The following GLIS3 variants were observed in gnomAD, a reference collection of about 807,000 sequenced individuals.
GLIS3 encodes zinc finger protein GLIS3.
A neutral mutation model predicts 78.6 loss-of-function variants in GLIS3; 53 were observed. The ratio of observed to expected loss-of-function variants is 0.67; its 90% CI spans 0.54 to 0.85. The LOEUF is 0.85. Ranked by LOEUF, GLIS3 falls within the 40% of genes least tolerant of loss-of-function variation. The probability of loss-of-function intolerance (pLI) is 0.00; values close to 1 mark genes in which losing one functional copy is unlikely to be tolerated. For missense variants in GLIS3, 1,703 were observed against 1,231.1 expected (o/e 1.38, Z -5.74); for synonymous variants, 684 against 509.9 (o/e 1.34, Z -4.60).
At chr9:4,115,267 C>T (rs1366441963) in intron 4 of GLIS3, among the ~76,000 whole-genome samples, 1 of 152,048 alleles carries the variant, frequency 6.6e-6, no homozygotes, top group African/African-American at 2.4e-5. Flanking sequence ...AAAAAATGGC[C>T]CGGCTCTTAT....
chr9:4,108,989 C>A (rs1436748679), intron 4 of GLIS3, among the ~76,000 whole-genome samples: 2 of 152,154 alleles, frequency 1.3e-5, no homozygotes, highest in South Asian at 2.1e-4. Flanking sequence ...TTCATGCTGC[C>A]TTCCCCGGTC....
At chr9:4,076,900 A>T (rs1828112696) in intron 4 of GLIS3, among the ~76,000 whole-genome samples, 1 of 152,156 alleles carries the variant, frequency 6.6e-6, no homozygotes, top group African/African-American at 2.4e-5. Context: ...CTATCAAGAA[A>T]ATATAAAAAT....
At chr9:4,442,408 T>A in the GLIS3 span, among the ~76,000 whole-genome samples, 3 of 152,092 alleles carry the variant, frequency 2.0e-5, no homozygotes, top group African/African-American at 7.2e-5. Flanking sequence ...TGGCTTCTCT[T>A]CCCTCCCCAC....
At chr9:4,126,355 T>C (rs2130915876) in intron 2 of GLIS3, among the ~76,000 whole-genome samples, 1 of 152,346 alleles carries the variant, frequency 6.6e-6, no homozygotes, top group East Asian at 1.9e-4. Context: ...CCTGTTTAAC[T>C]GGTTTACTTC....
chr9:4,427,239 G>A, the GLIS3 span, among the ~76,000 whole-genome samples: 1 of 152,140 alleles, frequency 6.6e-6, no homozygotes, highest in Admixed American at 6.5e-5. Context: ...GCAATTCTGT[G>A]TCCCAATCAC....
chr9:4,020,925 G>T (rs1051765252), intron 4 of GLIS3, among the ~76,000 whole-genome samples: 5 of 152,162 alleles, frequency 3.3e-5, no homozygotes, highest in African/African-American at 1.2e-4. Context: ...CCTGCACACA[G>T]TTCCAAAAAT....
chr9:4,071,615 T>A (rs1333143091), intron 4 of GLIS3: 2 of 152,204 alleles, frequency 1.3e-5, no homozygotes, highest in Non-Finnish European at 2.9e-5. Flanking sequence ...AAGAATACTA[T>A]GCAAAAGCTT....
chr9:4,024,419 T>C (rs539170275), intron 4 of GLIS3, among the ~76,000 whole-genome samples: 2 of 152,322 alleles, frequency 1.3e-5, no homozygotes, highest in East Asian at 3.9e-4. Flanking sequence ...AACACACTTA[T>C]TCTTGAATCA....
chr9:4,101,315 A>G (rs1424582868), intron 4 of GLIS3, among the ~76,000 whole-genome samples: 1 of 152,214 alleles, frequency 6.6e-6, no homozygotes, highest in East Asian at 1.9e-4. Flanking sequence ...GGTATAGCAC[A>G]GCTTCCCTAC....
At chr9:4,358,518 T>G in the GLIS3 span, among the ~76,000 whole-genome samples, 1 of 152,192 alleles carries the variant, frequency 6.6e-6, no homozygotes, top group Non-Finnish European at 1.5e-5. Context: ...CATTTTTGTG[T>G]ACCTACTATG....
At chr9:3,946,499 C>T (rs1357589043) in intron 4 of GLIS3, among the ~76,000 whole-genome samples, 1 of 152,170 alleles carries the variant, frequency 6.6e-6, no homozygotes, top group Non-Finnish European at 1.5e-5. Flanking sequence ...AATGCATTTA[C>T]AGGTTTTAGA....
the GLIS3 span, among the ~76,000 whole-genome samples, chr9:4,427,382 G>A: frequency 6.6e-6 from 1 of 152,132 alleles, no homozygotes; most frequent in Admixed American, 6.6e-5. Context: ...GGTAAGGGGT[G>A]GGAATCAGAG....
intron 2 of GLIS3, among the ~76,000 whole-genome samples, chr9:4,264,319 T>TGCTA (rs1357763844): frequency 5.3e-5 from 8 of 152,200 alleles, no homozygotes; most frequent in Non-Finnish European, 1.2e-4. Flanking sequence ...ACCACCATGA[T>TGCTA]GCTAGTCCCA....
At chr9:4,043,639 G>C (rs1237023073) in intron 4 of GLIS3, among the ~76,000 whole-genome samples, 1 of 152,142 alleles carries the variant, frequency 6.6e-6, no homozygotes, top group East Asian at 1.9e-4. Context: ...TGCTGAGTTT[G>C]CTCCCAGGAA....
chr9:4,418,151 G>A, the GLIS3 span, among the ~76,000 whole-genome samples: 17 of 152,208 alleles, frequency 1.1e-4, no homozygotes, highest in African/African-American at 3.9e-4. Context: ...AGTCACTCAT[G>A]AGCCATCCTG....
chr9:3,925,531 T>C (rs1165992504), intron 6 of GLIS3, among the ~76,000 whole-genome samples: 1 of 152,208 alleles, frequency 6.6e-6, no homozygotes, highest in Non-Finnish European at 1.5e-5. Flanking sequence ...TACTCTAGTT[T>C]CCTCTCATGT....
intron 2 of GLIS3, among the ~76,000 whole-genome samples, chr9:4,276,808 G>C (rs1409799785): frequency 6.6e-6 from 1 of 152,126 alleles, no homozygotes; most frequent in African/African-American, 2.4e-5. Flanking sequence ...ACTGGACCCT[G>C]TGTAGCTCAG....
At chr9:4,051,709 G>A (rs911786600) in intron 4 of GLIS3, among the ~76,000 whole-genome samples, 1 of 152,190 alleles carries the variant, frequency 6.6e-6, no homozygotes, top group Non-Finnish European at 1.5e-5. Context: ...AAACTCTTCA[G>A]ATGTCATCAA....
At chr9:4,193,757 T>A (rs2131229423) in intron 2 of GLIS3, among the ~76,000 whole-genome samples, 1 of 152,348 alleles carries the variant, frequency 6.6e-6, no homozygotes. Context: ...TGTGCAGATG[T>A]CTTAGAGGCA....
Sources: gnomAD v4.1 joint callset for allele counts (sites outside exome capture counted in the v4.1 genomes callset) on GRCh38, gnomAD v4.1.1 for gene constraint, MANE v1.5 for transcripts, NCBI Gene and HGNC (gene_info 2026-07-23, HGNC 2026-07-21) for gene names.